The following GALNT2 variants were observed in gnomAD, a reference collection of about 807,000 sequenced individuals.
The protein encoded by GALNT2 is UDP-GalNAc:polypeptide N-acetylgalactosaminyltransferase 2.
A neutral mutation model predicts 81.4 loss-of-function variants in GALNT2; 31 were observed. The ratio of observed to expected loss-of-function variants is 0.38; its 90% CI spans 0.29 to 0.51. The LOEUF (loss-of-function observed/expected upper bound fraction) is 0.51, where lower values mean the gene tolerates loss of function less well. Ranked by LOEUF, GALNT2 falls within the 20% of genes least tolerant of loss-of-function variation. The pLI, the probability that GALNT2 is intolerant of heterozygous loss-of-function variation, is 0.87. For missense variants in GALNT2, 629 were observed against 765.7 expected (o/e 0.82, Z 2.11); for synonymous variants, 303 against 287.4 (o/e 1.05, Z -0.55).
At chr1:230,123,786 T>C (rs1330505721) in intron 1 of GALNT2, among the ~76,000 whole-genome samples, 1 of 152,250 alleles carries the variant, frequency 6.6e-6, no homozygotes, top group Non-Finnish European at 1.5e-5. Flanking sequence ...AATTGCCTTC[T>C]TTTGTCTACT....
intron 1 of GALNT2, chr1:230,092,122 A>C (rs1287413479): frequency 2.0e-5 from 3 of 148,080 alleles, no homozygotes; most frequent in African/African-American, 7.6e-5. Flanking sequence ...AAATGATTTC[A>C]TGAGATAGAC....
intron 1 of GALNT2, chr1:230,092,180 T>TTTTTTGTTTTTTTTTTTTG (rs1463456206): frequency 9.2e-6 from 1 of 109,118 alleles, no homozygotes; most frequent in Non-Finnish European, 1.8e-5. Context: ...CCTTTAGTTT[T>TTTTTTGTTTTTTTTTTTTG]TTTTTTTTTT....
intron 1 of GALNT2, among the ~76,000 whole-genome samples, chr1:230,160,362 A>G (rs1245352190): frequency 6.6e-6 from 1 of 152,068 alleles, no homozygotes; most frequent in Non-Finnish European, 1.5e-5. Flanking sequence ...AGGATCACAC[A>G]CCATGCCTTG....
intron 11 of GALNT2, chr1:230,259,216 ATTTTTGAC>A (rs916641273): frequency 1.3e-5 from 2 of 152,200 alleles, no homozygotes; most frequent in Admixed American, 1.3e-4. Context: ...AATATTTTGG[ATTTTTGAC>A]TTTTTCAGGA....
intron 1 of GALNT2, among the ~76,000 whole-genome samples, chr1:230,177,858 C>G (rs1286043298): frequency 6.6e-6 from 1 of 152,202 alleles, no homozygotes; most frequent in African/African-American, 2.4e-5. Flanking sequence ...TTTAATTTAA[C>G]CACTCTAGAA....
intron 10 of GALNT2, 113 bp from the exon 11 acceptor site, chr1:230,255,105 G>C (rs1454572913): frequency 1.1e-5 from 16 of 1,470,778 alleles, no homozygotes; most frequent in Non-Finnish European, 1.3e-5. Flanking sequence ...CAGAGGGCAT[G>C]GGAGCCCCAT....
At chr1:230,208,274 C>T (rs1664126704) in intron 3 of GALNT2, among the ~76,000 whole-genome samples, 1 of 152,024 alleles carries the variant, frequency 6.6e-6, no homozygotes. Flanking sequence ...GGGCTATATT[C>T]TGAAGGTGGG....
At chr1:230,240,690 G>T (rs1665174731) in intron 6 of GALNT2, among the ~76,000 whole-genome samples, 1 of 151,074 alleles carries the variant, frequency 6.6e-6, no homozygotes, top group East Asian at 1.9e-4. Context: ...ATTTGATTAT[G>T]ATGTGCCTAG....
chr1:230,183,177 T>C (rs1663214286), intron 2 of GALNT2, among the ~76,000 whole-genome samples: 1 of 152,212 alleles, frequency 6.6e-6, no homozygotes, highest in Admixed American at 6.5e-5. Flanking sequence ...TTATTTATAG[T>C]GGATTTGTTG....
At chr1:230,247,995 A>C (rs754724748) in intron 8 of GALNT2, among the ~76,000 whole-genome samples, 1 of 152,192 alleles carries the variant, frequency 6.6e-6, no homozygotes. Flanking sequence ...CACCATGATA[A>C]GAGCCAGCTC....
intron 3 of GALNT2, among the ~76,000 whole-genome samples, chr1:230,213,437 G>A (rs1664293594): frequency 6.6e-6 from 1 of 152,104 alleles, no homozygotes; most frequent in African/African-American, 2.4e-5. Flanking sequence ...TATCAGTAGA[G>A]CTGCACCATC....
chr1:230,167,766 C>T (rs6672758), intron 1 of GALNT2, among the ~76,000 whole-genome samples: 95,125 of 152,026 alleles, frequency 0.63, 33,481 homozygotes, highest in Non-Finnish European at 0.79. Flanking sequence ...GGCCGGCTGA[C>T]GAGGCTGCCT....
chr1:230,257,393 C>T lies in GALNT2; in HGVS notation c.1136+2049C>T, dbSNP rs1055844609. ...CAGTCATGCACCTGTAACAGCGTTT[C>T]GGTCGGTGACAGTAGTCCCATAAGA... On this transcript the variant is annotated intron_variant, in intron 11 of 15. Transcript: ENST00000366672. This position sits in a 1 kb window ranked among gnomAD's most constrained non-coding sequence, Gnocchi z 4.6. Among the ~76,000 whole-genome samples the T allele has an allele frequency of 1.3e-5, 2 of 152,178 alleles. No individual in the cohort carries two copies. The highest frequency in any genetic ancestry group is 2.1e-4 in the South Asian group (1 of 4,830).
chr1:230,066,054 TTTTC>T (rs1469365210), upstream of GALNT2, among the ~76,000 whole-genome samples: 2 of 152,246 alleles, frequency 1.3e-5, no homozygotes, highest in African/African-American at 4.8e-5. Flanking sequence ...ATTTGGTATC[TTTTC>T]TTTCTTCTAC....
At chr1:230,276,179 A>G (rs531199348) in intron 15 of GALNT2, among the ~76,000 whole-genome samples, 6 of 152,204 alleles carry the variant, frequency 3.9e-5, no homozygotes, top group African/African-American at 1.4e-4. Flanking sequence ...ACACACACAC[A>G]TATACACACA....
chr1:230,084,429 TG>T (rs1257343191), intron 1 of GALNT2, among the ~76,000 whole-genome samples: 1 of 151,794 alleles, frequency 6.6e-6, no homozygotes, highest in East Asian at 1.9e-4. Flanking sequence ...GAACTTGGCA[TG>T]TCTGGGCAAC....
intron 1 of GALNT2, among the ~76,000 whole-genome samples, chr1:230,123,291 A>G (rs1014094260): frequency 2.0e-5 from 3 of 152,206 alleles, no homozygotes; most frequent in Non-Finnish European, 4.4e-5. Context: ...GCTGTTTCCA[A>G]AAAACAAATG....
At chr1:230,157,211 G>T (rs1245310714) in intron 1 of GALNT2, among the ~76,000 whole-genome samples, 1 of 152,158 alleles carries the variant, frequency 6.6e-6, no homozygotes, top group Non-Finnish European at 1.5e-5. Flanking sequence ...ATTGAGATGT[G>T]TGTGAACCAT....
intron 1 of GALNT2, among the ~76,000 whole-genome samples, chr1:230,149,684 T>C (rs1662033877): frequency 6.6e-6 from 1 of 152,182 alleles, no homozygotes; most frequent in Admixed American, 6.5e-5. Context: ...TTTTGTTTTG[T>C]TGTTTTATGC....
Sources: allele counts gnomAD v4.1 joint callset (sites outside exome capture counted in the v4.1 genomes callset), GRCh38; gene constraint gnomAD v4.1.1; non-coding constraint Gnocchi (gnomAD v3.1); transcripts MANE v1.5; gene names NCBI Gene and HGNC (gene_info 2026-07-23, HGNC 2026-07-21).